Variants in CORO7 observed in about 807,000 individuals in gnomAD.
CORO7 encodes coronin-7.
In CORO7, 107 loss-of-function variants were observed where a neutral mutation model predicts 126.6. That is an observed-to-expected ratio of 0.85 (90% CI 0.72 to 0.99). CORO7 has a LOEUF of 0.99. Among genes scored for constraint, CORO7 ranks in the 50% least tolerant of loss-of-function variants. The pLI is 0.00. For missense variants in CORO7, 1,314 were observed against 1,255.8 expected, an observed-to-expected ratio of 1.05 and a Z score of -0.70; for synonymous variants, 603 against 536.8, an observed-to-expected ratio of 1.12 and a Z score of -1.70.
At chr16:4,391,155 G>C (rs1355741093) in intron 7 of CORO7, among the ~76,000 whole-genome samples, 1 of 152,192 alleles carries the variant, frequency 6.6e-6, no homozygotes, top group African/African-American at 2.4e-5. Context: ...TGGGCGCAAT[G>C]GTACCTGCCG....
rs749013306 is a variant in CORO7, at chr16:4,387,958, C to T, written c.785+28G>A. The T allele has an allele frequency of 3.1e-6, 5 of 1,611,368 alleles. No individual in the cohort carries two copies. The South Asian group carries it at 3.3e-5, about 11-fold the overall frequency. ...GCGGCGCCTTGGGTCATCAGCCCCC[C>T]AGCCCACCTGCGTGCCGCAGCTCCT... On this transcript the variant is annotated intron_variant, in intron 9 of 27. Transcript: ENST00000251166.
chr16:4,364,478 G>A (rs2054283365), intron 13 of CORO7, 65 bp from the exon 14 acceptor site: 12 of 1,476,366 alleles, frequency 8.1e-6, no homozygotes, highest in African/African-American at 2.8e-5. Flanking sequence ...GCCCCCATGG[G>A]AGGGTCAACT....
chr16:4,404,267 A>G (rs922265982), intron 6 of CORO7, among the ~76,000 whole-genome samples: 7 of 151,868 alleles, frequency 4.6e-5, no homozygotes, highest in African/African-American at 1.7e-4. Flanking sequence ...GGCTCGGCAC[A>G]CCTCCAGAAG....
rs2054205762 is a variant in CORO7 at position 4,362,268 on chromosome 16, G to A, written c.1403-108C>T. On this transcript the variant is annotated intron_variant, in intron 15 of 27. Coordinates refer to ENST00000251166, the MANE Select transcript of CORO7 (RefSeq NM_024535.5). The surrounding 1 kb of genome is among the most constrained non-coding windows in gnomAD (Gnocchi z 5.3). ...TCCCCTCACCCCAGGTGGATGTACA[G>A]CATGGACCTAGGCCCAGGCCTTTGC... 4 of 1,437,082 alleles carry A rather than the reference G, an allele frequency of 2.8e-6. No homozygotes were observed. The highest frequency in any genetic ancestry group is 3.7e-6 in the Non-Finnish European group (4 of 1,078,156). The allele number at this position is 1,437,082 out of a possible 1,614,324, so 89.0% of individuals were successfully genotyped here. A position where few individuals can be genotyped will look rare whatever the true frequency, so the allele number is the denominator to read the frequency against.
chr16:4,356,972 A>T, intron 26 of CORO7, 196 bp downstream of exon 26: 1 of 739,738 alleles, frequency 1.4e-6, no homozygotes, highest in Non-Finnish European at 2.2e-6. Flanking sequence ...CAGGGCTCCC[A>T]CTGCCCTCCC....
chr16:4,359,195 C>CT (rs1225890951), intron 23 of CORO7, 101 bp downstream of exon 23: 1 of 1,336,786 alleles, frequency 7.5e-7, no homozygotes. Context: ...GCCCAGGACT[C>CT]TGACCCCCGA....
chr16:4,364,595 A>G lies in CORO7; in HGVS notation c.1137+2T>C. The G allele has an allele frequency of 6.4e-7, 1 of 1,555,520 alleles. No individual in the cohort carries two copies. The highest frequency in any genetic ancestry group is 8.7e-7 in the Non-Finnish European group (1 of 1,150,476). On this transcript the variant is annotated splice_donor_variant, in intron 13 of 27. Transcript: ENST00000251166. LOFTEE classifies it high-confidence loss of function. ...GGAGAGGTGAGCCAGCCCTGGTCCT[A>G]CCTGCTGGTTGTCCCCAGCCCACCA...
rs140419533 is a variant in CORO7 at position 4,412,795 on chromosome 16, A to G, written c.158-365T>C. On this transcript the variant is annotated intron_variant, in intron 2 of 27. Transcript: ENST00000251166. ...AAGGTGGCAGAGCTGAGAGACCCAG[A>G]GAGGTCAGGGCCGACAGTACATGTG... The G allele has an allele frequency of 2.5e-3, 777 of 316,148 alleles. 4 individuals are homozygous for G. The highest frequency in any genetic ancestry group is 0.015 in the African/African-American group (711 of 47,200). 19.6% of individuals were successfully genotyped at this position (316,148 alleles called of 1,614,324 possible). A position where few individuals can be genotyped will look rare whatever the true frequency, so the allele number is the denominator to read the frequency against.
At position 4,362,719 on chromosome 16, in the gene CORO7, G is replaced by A. The variant is rs767415038; in HGVS notation, c.1295C>T (p.Pro432Leu). The stretch of plus-strand genomic sequence containing the variant: ...CGTGGAGGGCGAGGTCAGCGAACTG[G>A]GAGGGGAAGAGAAACCCTCCTGGGG... ...ADASEGFSSP[P>L]SSLTSPSTPS... is the part of the protein sequence containing the mutation. Residue 432 changes from proline to leucine, a missense_variant, in exon 15 of 28, where the codon CCC (proline) becomes CTC (leucine). By Grantham distance (98) the Pro-to-Leu change is moderately conservative. Coordinates refer to ENST00000251166, the MANE Select transcript of CORO7 (RefSeq NM_024535.5). This position sits in a 1 kb window ranked among gnomAD's most constrained non-coding sequence, Gnocchi z 5.3. 3.8e-5 allele frequency: 55 copies of A among 1,440,216 alleles called. No homozygotes were observed. Among genetic ancestry groups the A allele is most frequent in the Non-Finnish European group, 5.0e-5 (55 of 1,091,984 alleles). The allele number at this position is 1,440,216 out of a possible 1,614,324, so 89.2% of individuals were successfully genotyped here. A position where few individuals can be genotyped will look rare whatever the true frequency, so the allele number is the denominator to read the frequency against.
At chr16:4,381,952 CCCA>C in intron 9 of CORO7, 2 of 1,608,434 alleles carry the variant, frequency 1.2e-6, no homozygotes, top group South Asian at 1.1e-5. Context: ...AGCCACAGTG[CCCA>C]CCACGAGGCC....
chr16:4,357,351 CTTTCTTT>C lies in CORO7; in HGVS notation c.2594-99_2594-93del, dbSNP rs2054009474. The C allele has an allele frequency of 1.5e-3, 1,447 of 955,166 alleles. 2 individuals carry two copies. The highest frequency in any genetic ancestry group is 3.5e-3 in the Middle Eastern group (11 of 3,132). 59.2% of individuals were successfully genotyped at this position (955,166 alleles called of 1,614,324 possible). The stretch of plus-strand genomic sequence containing the variant: ...GGGGATTTCTTTCTTTCTTTTCTTT[CTTTCTTT>C]TTTTTTTTTTTTTTTTGAGATGGAG... On this transcript the variant is annotated intron_variant, in intron 25 of 27. Coordinates refer to ENST00000251166, the MANE Select transcript of CORO7 (RefSeq NM_024535.5).
intron 9 of CORO7, among the ~76,000 whole-genome samples, chr16:4,369,544 G>A (rs2054455266): frequency 6.6e-6 from 1 of 152,246 alleles, no homozygotes; most frequent in Non-Finnish European, 1.5e-5. Context: ...GGTCCCAGGA[G>A]CTAGAAGACA....
chr16:4,387,980 T>G lies in CORO7; in HGVS notation c.785+6A>C, dbSNP rs761231917. ...CCCCAGCCCACCTGCGTGCCGCAGC[T>G]CCTACCCAAGCGAGGTGTCCAAGGT... On this transcript the variant is annotated splice_donor_region_variant and intron_variant, in intron 9 of 27. Transcript: ENST00000251166. 2.5e-6 allele frequency: 4 copies of G among 1,612,716 alleles called. No individual in the cohort carries two copies. The South Asian group carries it at 3.3e-5, about 13-fold the overall frequency.
chr16:4,364,686 C>T lies in CORO7; in HGVS notation c.1048G>A (p.Val350Met), dbSNP rs1309854123. ...GGGAACAGGTCCTCGTGGAACTCCA[C>T]AGCCTGGCCGCAGACAAGCAGGCAG... Reference protein sequence around the residue: ...PIGYHVPRKAVEFHEDLFPDT... With the variant: ...PIGYHVPRKAMEFHEDLFPDT... The change falls in exon 13 of 28, where the codon GTG (valine) becomes ATG (methionine). Residue 350 changes from valine to methionine, a missense_variant. By Grantham distance (21) the Val-to-Met change is conservative. Coordinates refer to ENST00000251166, the MANE Select transcript of CORO7 (RefSeq NM_024535.5). 1 of 1,583,566 alleles carries T rather than the reference C, an allele frequency of 6.3e-7. No homozygotes were observed. The highest frequency in any genetic ancestry group is 8.6e-7 in the Non-Finnish European group (1 of 1,165,648).
chr16:4,360,423 C>A, intron 20 of CORO7, 21 bp downstream of exon 20: 1 of 1,612,990 alleles, frequency 6.2e-7, no homozygotes, highest in Non-Finnish European at 8.5e-7. Flanking sequence ...TGAGGCCACT[C>A]CCCAGCCCCT....
chr16:4,395,593 G>C (rs901987845), intron 6 of CORO7, among the ~76,000 whole-genome samples: 4 of 152,200 alleles, frequency 2.6e-5, no homozygotes, highest in Non-Finnish European at 5.9e-5. Flanking sequence ...GGAGTGTTCA[G>C]CTTCCTGAGA....
At chr16:4,382,856 G>A (rs771044847) in intron 9 of CORO7, 14 of 1,579,212 alleles carry the variant, frequency 8.9e-6, no homozygotes, top group Admixed American at 1.8e-5. Flanking sequence ...GGCTTCCCAG[G>A]GCCTGGCCTC....
chr16:4,360,880 A>ACACTGCTGGCCCCG, intron 19 of CORO7, 63 bp downstream of exon 19: 1 of 326,224 alleles, frequency 3.1e-6, no homozygotes, highest in Non-Finnish European at 4.7e-6. Context: ...TGCTGGCCCC[A>ACACTGCTGGCCCCG]CCTCTCCACA....
intron 10 of CORO7, 118 bp from the exon 11 acceptor site, chr16:4,365,178 G>C: frequency 6.9e-7 from 1 of 1,447,640 alleles, no homozygotes; most frequent in Non-Finnish European, 9.3e-7. Flanking sequence ...ACAGTGGCTG[G>C]AGATGGGGCT....
Sources: gnomAD v4.1 joint callset for allele counts (sites outside exome capture counted in the v4.1 genomes callset) on GRCh38, gnomAD v4.1.1 for gene constraint, Gnocchi (gnomAD v3.1) non-coding constraint, MANE v1.5 for transcripts, NCBI Gene and HGNC (gene_info 2026-07-23, HGNC 2026-07-21) for gene names.